The following KCNQ3 variants were observed in gnomAD, a reference collection of about 807,000 sequenced individuals.
The protein encoded by KCNQ3 is potassium voltage-gated channel subfamily KQT member 3.
KCNQ3 carries 30 observed loss-of-function variants against 92.5 expected under a neutral mutation model. That is an observed-to-expected ratio of 0.32 (90% CI 0.24 to 0.44). The LOEUF (loss-of-function observed/expected upper bound fraction) is 0.44, where lower values mean the gene tolerates loss of function less well. KCNQ3 is among the 20% of genes least tolerant of loss of function. The pLI is 1.00. For synonymous variants in KCNQ3, 450 were observed against 468.8 expected, an observed-to-expected ratio of 0.96 and a Z score of 0.52; for missense variants, 913 against 1,140.3, an observed-to-expected ratio of 0.80 and a Z score of 2.87.
chr8:132,157,656 ATTTTT>A (rs1254815821), intron 9 of KCNQ3, among the ~76,000 whole-genome samples: 1 of 149,788 alleles, frequency 6.7e-6, no homozygotes, highest in Non-Finnish European at 1.5e-5. Flanking sequence ...ATTTTATTTT[ATTTTT>A]TTATTTTTAT....
At chr8:132,242,621 T>C (rs1371823032) in intron 1 of KCNQ3, among the ~76,000 whole-genome samples, 8 of 152,236 alleles carry the variant, frequency 5.3e-5, no homozygotes, top group African/African-American at 1.9e-4. Context: ...AATTCATAGA[T>C]ACACTAAAAA....
chr8:132,127,867 A>C lies in KCNQ3; in HGVS notation c.*1395T>G, dbSNP rs1377957093. On this transcript the variant is annotated 3_prime_UTR_variant, in exon 15 of 15. Transcript: ENST00000388996. Reference sequence around the variant, plus strand: ...TTCCCAGGCTGTCTGCTTACATTTTAGCTTGTCTTACGGTTACATATGGTT... The same window carrying C: ...TTCCCAGGCTGTCTGCTTACATTTTCGCTTGTCTTACGGTTACATATGGTT... 4 of 152,142 alleles carry C rather than the reference A, an allele frequency of 2.6e-5. No individual in the cohort carries two copies. The highest frequency in any genetic ancestry group is 2.6e-4 in the Admixed American group (4 of 15,266). The allele number at this position is 152,142 out of a possible 1,614,324, so 9.4% of individuals were successfully genotyped here.
chr8:132,476,526 A>G (rs1332735385), intron 1 of KCNQ3, among the ~76,000 whole-genome samples: 3 of 152,184 alleles, frequency 2.0e-5, no homozygotes, highest in Non-Finnish European at 4.4e-5. Context: ...ATCAAAGGAC[A>G]TTATTTTGGA....
At chr8:132,165,316 C>A (rs1826113496) in intron 8 of KCNQ3, among the ~76,000 whole-genome samples, 1 of 152,202 alleles carries the variant, frequency 6.6e-6, no homozygotes, top group Admixed American at 6.5e-5. Flanking sequence ...TGCAGTTGAC[C>A]TGTCCAGTTA....
rs761199914 is a variant in KCNQ3, at chr8:132,480,609, A to AGGC, written c.-80_-78dup. 1.2e-5 allele frequency: 14 copies of AGGC among 1,202,564 alleles called. No homozygotes were observed. Among genetic ancestry groups the AGGC allele is most frequent in the East Asian group, 7.1e-5 (1 of 13,996 alleles). The allele number at this position is 1,202,564 out of a possible 1,614,324, so 74.5% of individuals were successfully genotyped here. On this transcript the variant is annotated 5_prime_UTR_variant, in exon 1 of 15. Transcript: ENST00000388996. ...AAGGGGCGCTCGGGGTGCGTGAACG[A>AGGC]GGCGGCGGCGGCGGCTGCAAGCCCG...
At chr8:132,167,115 G>A (rs1383110600) in intron 8 of KCNQ3, among the ~76,000 whole-genome samples, 1 of 152,168 alleles carries the variant, frequency 6.6e-6, no homozygotes, top group Non-Finnish European at 1.5e-5. Context: ...GTTCTGATAG[G>A]CGCTACAACA....
At chr8:132,230,325 C>T (rs947792037) in intron 1 of KCNQ3, among the ~76,000 whole-genome samples, 1 of 152,080 alleles carries the variant, frequency 6.6e-6, no homozygotes, top group Non-Finnish European at 1.5e-5. Flanking sequence ...AAAGCCCCCC[C>T]GCCCACTAGA....
intron 1 of KCNQ3, among the ~76,000 whole-genome samples, chr8:132,275,522 C>T (rs1375137741): frequency 6.6e-6 from 1 of 151,882 alleles, no homozygotes; most frequent in East Asian, 1.9e-4. Context: ...TTTGCCCCAC[C>T]CTAGAGGCCC....
chr8:132,332,819 T>C (rs1818265876), intron 1 of KCNQ3, among the ~76,000 whole-genome samples: 1 of 152,234 alleles, frequency 6.6e-6, no homozygotes, highest in Admixed American at 6.5e-5. Context: ...GCCTGCCCCC[T>C]CAGTCTAGCT....
Position 132,439,242 on chromosome 8 carries a change from G to A in KCNQ3, c.386+40905C>T, listed in dbSNP as rs550956602. Among the ~76,000 whole-genome samples the A allele has an allele frequency of 1.3e-4, 20 of 151,886 alleles. No individual in the cohort carries two copies. In the South Asian group the frequency reaches 2.9e-3, roughly 22 times the overall value. ...AACTCATCAGGATAAACCAGACTCC[G>A]GAAATTCAATTCATCCCAGCAAACC... is the stretch of plus-strand genomic sequence containing the variant. On this transcript the variant is annotated intron_variant, in intron 1 of 14. Transcript: ENST00000388996.
chr8:132,460,368 A>G (rs1822034472), intron 1 of KCNQ3, among the ~76,000 whole-genome samples: 1 of 152,210 alleles, frequency 6.6e-6, no homozygotes, highest in South Asian at 2.1e-4. Flanking sequence ...ATGAGTTTAC[A>G]TGCATATTTC....
intron 1 of KCNQ3, among the ~76,000 whole-genome samples, chr8:132,214,090 A>G (rs1396971553): frequency 1.3e-5 from 2 of 152,132 alleles, no homozygotes; most frequent in Non-Finnish European, 2.9e-5. Context: ...AAGACCTAAG[A>G]CTTGGGTTAG....
At chr8:132,403,451 C>T (rs951558567) in intron 1 of KCNQ3, among the ~76,000 whole-genome samples, 2 of 152,302 alleles carry the variant, frequency 1.3e-5, no homozygotes, top group South Asian at 2.1e-4. Context: ...CTGGCACATT[C>T]GAGGAGCAAC....
intron 8 of KCNQ3, among the ~76,000 whole-genome samples, chr8:132,167,628 T>C (rs1316937045): frequency 2.6e-5 from 4 of 152,238 alleles, no homozygotes; most frequent in Non-Finnish European, 5.9e-5. Flanking sequence ...TTCAGAATGG[T>C]TGCTAAATGA....
intron 4 of KCNQ3, among the ~76,000 whole-genome samples, chr8:132,177,484 A>G (rs1826602113): frequency 6.6e-6 from 1 of 152,192 alleles, no homozygotes; most frequent in Non-Finnish European, 1.5e-5. Flanking sequence ...TCCATTCTGC[A>G]GGATTCTCCA....
intron 1 of KCNQ3, among the ~76,000 whole-genome samples, chr8:132,445,962 TACATG>T (rs1293537991): frequency 6.6e-6 from 1 of 152,208 alleles, no homozygotes; most frequent in Admixed American, 6.5e-5. Context: ...AAGTCCATCT[TACATG>T]CCCATATGCC....
chr8:132,430,536 G>C (rs1821220468), intron 1 of KCNQ3, among the ~76,000 whole-genome samples: 1 of 152,286 alleles, frequency 6.6e-6, no homozygotes, highest in Non-Finnish European at 1.5e-5. Flanking sequence ...CAAGTGTTGA[G>C]CTAATGGATC....
chr8:132,205,805 G>A (rs1402427338), intron 1 of KCNQ3, among the ~76,000 whole-genome samples: 4 of 152,208 alleles, frequency 2.6e-5, no homozygotes, highest in Middle Eastern at 3.2e-3. Flanking sequence ...CAGTCTTGCT[G>A]TGACTGCAGG....
intron 6 of KCNQ3, 69 bp downstream of exon 6, chr8:132,174,170 T>A: frequency 9.1e-7 from 1 of 1,096,114 alleles, no homozygotes; most frequent in South Asian, 1.3e-5. Flanking sequence ...ACTGGAAAGT[T>A]GAGCTGGCAC....
Sources: gnomAD v4.1 joint callset for allele counts (sites outside exome capture counted in the v4.1 genomes callset) on GRCh38, gnomAD v4.1.1 for gene constraint, MANE v1.5 for transcripts, NCBI Gene and HGNC (gene_info 2026-07-23, HGNC 2026-07-21) for gene names.